TRPM3: variants seen among roughly 807,000 people sequenced by gnomAD.
The protein encoded by TRPM3 is transient receptor potential cation channel subfamily M member 3.
Under a neutral mutation model 181.2 loss-of-function variants are expected in TRPM3, and 77 were observed. The ratio of observed to expected loss-of-function variants is 0.42; its 90% CI spans 0.35 to 0.51. The LOEUF is 0.51. Among genes scored for constraint, TRPM3 ranks in the 20% least tolerant of loss-of-function variants. The pLI, the probability that TRPM3 is intolerant of heterozygous loss-of-function variation, is 0.01. For missense variants in TRPM3, 1,759 were observed against 2,196.7 expected (o/e 0.80, Z 3.98); for synonymous variants, 745 against 796.4 (o/e 0.94, Z 1.09).
chr9:70,539,473 AT>A (rs57538597), intron 25 of TRPM3, among the ~76,000 whole-genome samples: 2,302 of 137,396 alleles, frequency 0.017, 78 homozygotes, highest in East Asian at 0.16. Flanking sequence ...CCTGCTTGTA[AT>A]TTTTTTTTTT....
chr9:71,405,342 T>A lies in TRPM3; in HGVS notation c.183+41311A>T, dbSNP rs184458327. 7.2e-3 allele frequency among the ~76,000 whole-genome samples: 1,089 copies of A among 152,294 alleles called. 2 individuals carry two copies. The highest frequency in any genetic ancestry group is 0.012 in the Non-Finnish European group (815 of 68,010). On this transcript the variant is annotated intron_variant, in intron 1 of 24. Coordinates refer to the TRPM3 transcript ENST00000357533. ...ATCTTCCTTTTAGGAATTTAAAAAA[T>A]GGTACAAATAATCATTAGACATTGG...
chr9:70,687,598 T>C (rs2067296079), intron 8 of TRPM3, among the ~76,000 whole-genome samples: 1 of 152,220 alleles, frequency 6.6e-6, no homozygotes, highest in Non-Finnish European at 1.5e-5. Flanking sequence ...TTATATCTTC[T>C]GCTCTCTTGT....
At chr9:70,618,786 T>G in intron 17 of TRPM3, 81 bp downstream of exon 17, 1 of 1,229,666 alleles carries the variant, frequency 8.1e-7, no homozygotes, top group Non-Finnish European at 1.2e-6. Context: ...GATGCCCAAT[T>G]CCATGGCAGA....
At position 70,750,090 on chromosome 9, in the gene TRPM3, G is replaced by T. The variant is rs916797099; in HGVS notation, c.1272+11511C>A. ...GATATATAACAGCTTTCACCAACAC[G>T]CAGCTTAGACATAGGCTACTAGGCT... On this transcript the variant is annotated intron_variant, in intron 8 of 25. Coordinates refer to ENST00000677713, the MANE Select transcript of TRPM3 (RefSeq NM_001366145.2). 1.3e-5 allele frequency among the ~76,000 whole-genome samples: 2 copies of T among 152,150 alleles called. 1 individual carries two copies. Among genetic ancestry groups the T allele is most frequent in the South Asian group, 4.1e-4 (2 of 4,828 alleles).
chr9:70,738,733 C>T (rs1203694278), intron 8 of TRPM3, among the ~76,000 whole-genome samples: 1 of 152,000 alleles, frequency 6.6e-6, no homozygotes, highest in Non-Finnish European at 1.5e-5. Context: ...GACATACTAT[C>T]AGTGAGATTA....
chr9:71,267,629 G>A (rs1199018236), intron 1 of TRPM3, among the ~76,000 whole-genome samples: 1 of 152,146 alleles, frequency 6.6e-6, no homozygotes, highest in Non-Finnish European at 1.5e-5. Context: ...TCTCACTCTA[G>A]ATGCCAAGAC....
intron 1 of TRPM3, among the ~76,000 whole-genome samples, chr9:70,915,952 C>A (rs568126448): frequency 1.3e-5 from 2 of 152,156 alleles, no homozygotes; most frequent in Admixed American, 6.5e-5. Context: ...AATAATCAAA[C>A]TTCCAAAGGT....
At chr9:71,197,679 G>T (rs1333888721) in intron 1 of TRPM3, among the ~76,000 whole-genome samples, 1 of 152,064 alleles carries the variant, frequency 6.6e-6, no homozygotes, top group African/African-American at 2.4e-5. Flanking sequence ...CTTTTGAGAA[G>T]TGTCTGTTCA....
intron 22 of TRPM3, among the ~76,000 whole-genome samples, chr9:70,571,487 C>T (rs1228233503): frequency 6.6e-6 from 1 of 152,218 alleles, no homozygotes; most frequent in East Asian, 1.9e-4. Context: ...TAAGTCCAAC[C>T]CCGCGTCTCA....
chr9:71,193,755 CAAGT>C (rs1272722839), intron 1 of TRPM3, among the ~76,000 whole-genome samples: 1 of 151,816 alleles, frequency 6.6e-6, no homozygotes, highest in Admixed American at 6.6e-5. Context: ...CACCGGATTC[CAAGT>C]AAGAAATCTA....
chr9:70,686,404 T>C (rs958323190), intron 8 of TRPM3, among the ~76,000 whole-genome samples: 1 of 152,226 alleles, frequency 6.6e-6, no homozygotes, highest in African/African-American at 2.4e-5. Context: ...AAATAAACTT[T>C]GTAGATATGG....
chr9:71,255,052 AC>A (rs1160044652), intron 1 of TRPM3, among the ~76,000 whole-genome samples: 1 of 152,084 alleles, frequency 6.6e-6, no homozygotes, highest in Non-Finnish European at 1.5e-5. Flanking sequence ...AACCAGTCCA[AC>A]TTAGCCACAA....
intron 1 of TRPM3, among the ~76,000 whole-genome samples, chr9:70,929,103 T>C (rs1182009654): frequency 6.6e-6 from 1 of 152,084 alleles, no homozygotes; most frequent in Non-Finnish European, 1.5e-5. Flanking sequence ...TCCTCATAAA[T>C]GGTGAAAAGT....
intron 3 of TRPM3, among the ~76,000 whole-genome samples, chr9:70,851,857 C>T (rs573415312): frequency 1.3e-5 from 2 of 152,214 alleles, no homozygotes; most frequent in South Asian, 4.2e-4. Context: ...GTGACTCACA[C>T]CTGTAATCCT....
At chr9:70,803,106 C>G (rs2089669741) in intron 6 of TRPM3, among the ~76,000 whole-genome samples, 1 of 142,972 alleles carries the variant, frequency 7.0e-6, no homozygotes, top group South Asian at 2.3e-4. Flanking sequence ...AAGAGAAGGG[C>G]AAGTGTCTTT....
chr9:70,764,074 C>A (rs774170744), intron 7 of TRPM3, among the ~76,000 whole-genome samples: 4 of 152,088 alleles, frequency 2.6e-5, no homozygotes, highest in Admixed American at 2.6e-4. Flanking sequence ...TGAGCAGGAA[C>A]AAGATCAATG....
chr9:71,016,699 T>C (rs1440989307), intron 1 of TRPM3, among the ~76,000 whole-genome samples: 1 of 152,242 alleles, frequency 6.6e-6, no homozygotes, highest in Non-Finnish European at 1.5e-5. Flanking sequence ...TTTTGGCTAT[T>C]GTGAATAATA....
intron 8 of TRPM3, among the ~76,000 whole-genome samples, chr9:70,754,348 A>G (rs2076698797): frequency 6.6e-6 from 1 of 152,288 alleles, no homozygotes; most frequent in African/African-American, 2.4e-5. Context: ...TATGTTGCAG[A>G]TAGTCTTTAT....
At chr9:70,852,174 A>G (rs1446233604) in intron 3 of TRPM3, among the ~76,000 whole-genome samples, 1 of 151,662 alleles carries the variant, frequency 6.6e-6, no homozygotes, top group Non-Finnish European at 1.5e-5. Context: ...AAAAATCCCA[A>G]AAAACAAGAA....
Sources: allele counts gnomAD v4.1 joint callset (sites outside exome capture counted in the v4.1 genomes callset), GRCh38; gene constraint gnomAD v4.1.1; transcripts MANE v1.5; gene names NCBI Gene and HGNC (gene_info 2026-07-23, HGNC 2026-07-21).